Variants in TMEM132D observed in about 807,000 individuals in gnomAD.
TMEM132D encodes the protein mature OL transmembrane protein.
A neutral mutation model predicts 62.3 loss-of-function variants in TMEM132D; 21 were observed. The ratio of observed to expected loss-of-function variants is 0.34; its 90% CI spans 0.24 to 0.49. The LOEUF is 0.49. Ranked by LOEUF, TMEM132D falls within the 20% of genes least tolerant of loss-of-function variation. The pLI is 0.99. For synonymous variants in TMEM132D, 621 were observed against 575.6 expected (o/e 1.08, Z -1.13); for missense variants, 1,346 against 1,402.8 (o/e 0.96, Z 0.65).
At chr12:129,197,613 CT>C (rs1878584055) in intron 5 of TMEM132D, among the ~76,000 whole-genome samples, 2 of 152,144 alleles carry the variant, frequency 1.3e-5, no homozygotes, top group Non-Finnish European at 2.9e-5. Flanking sequence ...AAAACTGGAT[CT>C]TTATCACACA....
chr12:129,832,992 C>T lies in TMEM132D; in HGVS notation c.79+70269G>A, dbSNP rs563747614. On this transcript the variant is annotated intron_variant, in intron 1 of 8. Transcript: ENST00000422113. ...AGCTGGTCACTCTCAGAAAGTCAAC[C>T]TTGACCTACGGGTTCTTCACACTGA... Among the ~76,000 whole-genome samples, 8 of 152,326 alleles carry T rather than the reference C, an allele frequency of 5.3e-5. No homozygotes were observed. In the East Asian group the frequency reaches 1.3e-3, roughly 26 times the overall value.
intron 5 of TMEM132D, among the ~76,000 whole-genome samples, chr12:129,098,044 G>A (rs1231175897): frequency 6.6e-6 from 1 of 152,138 alleles, no homozygotes; most frequent in Non-Finnish European, 1.5e-5. Flanking sequence ...TTATCATTTT[G>A]CATTTTTACA....
At chr12:129,078,891 T>C (rs758661921) in intron 7 of TMEM132D, among the ~76,000 whole-genome samples, 166 bp from the exon 8 acceptor site, 1 of 152,196 alleles carries the variant, frequency 6.6e-6, no homozygotes, top group African/African-American at 2.4e-5. Flanking sequence ...ATCATATGTA[T>C]TGCTTGAGAA....
chr12:129,178,724 G>A lies in TMEM132D; in HGVS notation c.1443+30796C>T, dbSNP rs1877978345. Among the ~76,000 whole-genome samples the A allele has an allele frequency of 4.6e-5, 7 of 152,144 alleles. No individual in the cohort carries two copies. The South Asian group carries it at 1.2e-3, about 27-fold the overall frequency. On this transcript the variant is annotated intron_variant, in intron 5 of 8. Transcript: ENST00000422113. ...CTTTTACCAATTGTAGTAATATGAT[G>A]TGGTCAATTGCAAAAATGGCCCCAA...
intron 2 of TMEM132D, among the ~76,000 whole-genome samples, chr12:129,676,578 G>T (rs1463065253): frequency 6.6e-6 from 1 of 152,124 alleles, no homozygotes; most frequent in Non-Finnish European, 1.5e-5. Context: ...AGAGCGGGAG[G>T]CACCAGACTC....
At chr12:129,720,047 G>T (rs188906337) in intron 1 of TMEM132D, among the ~76,000 whole-genome samples, 6 of 152,026 alleles carry the variant, frequency 3.9e-5, no homozygotes, top group Admixed American at 3.9e-4. Context: ...ACCAAGTCTC[G>T]GAGTTGCCCT....
At chr12:129,641,059 T>C (rs1879629994) in intron 2 of TMEM132D, among the ~76,000 whole-genome samples, 1 of 152,210 alleles carries the variant, frequency 6.6e-6, no homozygotes, top group African/African-American at 2.4e-5. Flanking sequence ...ATTATTTCAT[T>C]ATATATTACA....
chr12:129,854,646 G>C (rs954148476), intron 1 of TMEM132D: 2 of 152,246 alleles, frequency 1.3e-5, no homozygotes, highest in South Asian at 4.1e-4. Context: ...TGACAGTAAC[G>C]TGGACTGTGT....
chr12:129,897,249 T>C (rs1044991989), intron 1 of TMEM132D, among the ~76,000 whole-genome samples: 1 of 152,240 alleles, frequency 6.6e-6, no homozygotes, highest in Admixed American at 6.5e-5. Flanking sequence ...CATTCAAGTG[T>C]GCTGTCTGGC....
At chr12:129,120,496 C>T (rs547657013) in intron 5 of TMEM132D, among the ~76,000 whole-genome samples, 1 of 152,130 alleles carries the variant, frequency 6.6e-6, no homozygotes, top group Non-Finnish European at 1.5e-5. Flanking sequence ...CAAAATCTAC[C>T]TGGCCATACT....
rs558416956 is a variant in TMEM132D, at chr12:129,314,203, A to C, written c.1299+23431T>G. Among the ~76,000 whole-genome samples the C allele has an allele frequency of 2.7e-3, 410 of 152,266 alleles. 3 individuals carry two copies. Among genetic ancestry groups the C allele is most frequent in the Non-Finnish European group, 2.2e-3 (152 of 67,994 alleles). ...GAAATATTTGCCTAAGGCAATGTCT[A>C]GAAGGGTTTTTCCAATGTTATCTTC... is the stretch of plus-strand genomic sequence containing the variant. On this transcript the variant is annotated intron_variant, in intron 4 of 8. Coordinates refer to ENST00000422113, the MANE Select transcript of TMEM132D (RefSeq NM_133448.3).
At chr12:129,161,119 A>T (rs1877388833) in intron 5 of TMEM132D, among the ~76,000 whole-genome samples, 1 of 152,226 alleles carries the variant, frequency 6.6e-6, no homozygotes, top group Non-Finnish European at 1.5e-5. Flanking sequence ...TCTGGTGGGT[A>T]TGTGCCTGCT....
chr12:129,684,310 GA>G (rs1399355545), intron 2 of TMEM132D, among the ~76,000 whole-genome samples: 1 of 152,086 alleles, frequency 6.6e-6, no homozygotes, highest in African/African-American at 2.4e-5. Flanking sequence ...GAGTTCTCAT[GA>G]GATCTGATGG....
intron 4 of TMEM132D, among the ~76,000 whole-genome samples, chr12:129,281,878 C>A (rs1881163989): frequency 6.6e-6 from 1 of 152,266 alleles, no homozygotes; most frequent in Non-Finnish European, 1.5e-5. Context: ...AAAGGGAAAA[C>A]AAAAGACCAG....
At chr12:129,471,278 A>T (rs1242578430) in intron 3 of TMEM132D, among the ~76,000 whole-genome samples, 4 of 147,618 alleles carry the variant, frequency 2.7e-5, no homozygotes, top group Non-Finnish European at 5.9e-5. Context: ...TCGGCTCCTT[A>T]TTCCCAGCAA....
chr12:129,569,692 C>T (rs116251150), intron 2 of TMEM132D, among the ~76,000 whole-genome samples: 290 of 152,306 alleles, frequency 1.9e-3, no homozygotes, highest in African/African-American at 6.7e-3. Flanking sequence ...ACACCCTCAA[C>T]GCTGACCCTG....
At chr12:129,815,375 A>T (rs1872315446) in intron 1 of TMEM132D, among the ~76,000 whole-genome samples, 1 of 152,072 alleles carries the variant, frequency 6.6e-6, no homozygotes, top group Admixed American at 6.5e-5. Flanking sequence ...ATAAATAAGT[A>T]ATTCCCTGCC....
At chr12:129,129,759 T>A (rs1328194289) in intron 5 of TMEM132D, among the ~76,000 whole-genome samples, 1 of 152,160 alleles carries the variant, frequency 6.6e-6, no homozygotes, top group Non-Finnish European at 1.5e-5. Flanking sequence ...GGGCATCTTT[T>A]CATGTTCTTG....
chr12:129,638,874 AG>A, intron 2 of TMEM132D, among the ~76,000 whole-genome samples: 1 of 152,242 alleles, frequency 6.6e-6, no homozygotes, highest in South Asian at 2.1e-4. Flanking sequence ...TCCCACTTAG[AG>A]GGGCAAATGA....
Sources: allele counts gnomAD v4.1 joint callset (sites outside exome capture counted in the v4.1 genomes callset), GRCh38; gene constraint gnomAD v4.1.1; transcripts MANE v1.5; gene names NCBI Gene and HGNC (gene_info 2026-07-23, HGNC 2026-07-21).